Variants in CYP2J2 observed in about 807,000 individuals in gnomAD.
The protein encoded by CYP2J2 is cytochrome P450 2J2.
In CYP2J2, 41 loss-of-function variants were observed where a neutral mutation model predicts 48.8. The observed-to-expected ratio is 0.84, with a 90% CI of 0.66 to 1.09. CYP2J2 has a LOEUF of 1.09. Ranked by LOEUF, CYP2J2 falls within the 50% of genes least tolerant of loss-of-function variation. The pLI is 0.00. For missense variants in CYP2J2, 644 were observed against 617.3 expected (o/e 1.04, Z -0.46); for synonymous variants, 221 against 227.1 (o/e 0.97, Z 0.24).
intron 5 of CYP2J2, among the ~76,000 whole-genome samples, chr1:59,909,473 T>G (rs748361800): frequency 6.6e-6 from 1 of 152,168 alleles, no homozygotes; most frequent in Non-Finnish European, 1.5e-5. Flanking sequence ...GAAGAGAAGA[T>G]GCTGTGCTTC....
chr1:59,922,342 GATGAA>G (rs1644523933), intron 1 of CYP2J2, among the ~76,000 whole-genome samples: 1 of 152,194 alleles, frequency 6.6e-6, no homozygotes, highest in East Asian at 1.9e-4. Context: ...CCATCATGAA[GATGAA>G]ATGAAAACTG....
intron 1 of CYP2J2, among the ~76,000 whole-genome samples, chr1:59,917,917 T>TA (rs1439033531): frequency 6.6e-6 from 1 of 152,180 alleles, no homozygotes; most frequent in Admixed American, 6.5e-5. Flanking sequence ...ATATTCCTCT[T>TA]AGAGTCCTGT....
upstream of CYP2J2, among the ~76,000 whole-genome samples, chr1:59,928,458 A>G (rs1443360233): frequency 6.6e-6 from 1 of 152,228 alleles, no homozygotes; most frequent in Non-Finnish European, 1.5e-5. Context: ...TCCCCAGATC[A>G]ACGTGACAGA....
At chr1:59,897,996 T>C (rs1644284431) in intron 8 of CYP2J2, among the ~76,000 whole-genome samples, 1 of 152,344 alleles carries the variant, frequency 6.6e-6, no homozygotes, top group African/African-American at 2.4e-5. Context: ...TCCTGATCCA[T>C]TTAAATGGTC....
chr1:59,947,957 C>T, the CYP2J2 span, among the ~76,000 whole-genome samples: 1 of 152,248 alleles, frequency 6.6e-6, no homozygotes, highest in Admixed American at 6.5e-5. Context: ...GAGCCTGAGT[C>T]ATTTTGGGAA....
At chr1:59,909,620 A>G (rs1023591085) in intron 5 of CYP2J2, among the ~76,000 whole-genome samples, 164 bp downstream of exon 5, 11 of 152,224 alleles carry the variant, frequency 7.2e-5, no homozygotes, top group African/African-American at 2.7e-4. Flanking sequence ...TCTGTAACCC[A>G]GTGAAGCTGA....
In CYP2J2 at chr1:59,918,550, C is replaced by T. The variant is rs562121965; in HGVS notation, c.211-2450G>A. On this transcript the variant is annotated intron_variant, in intron 1 of 8. Coordinates refer to ENST00000371204, the MANE Select transcript of CYP2J2 (RefSeq NM_000775.4). ...GGATGGCGATGTCTAACAATTCTTACGTGCACCCTGTCAGTCATTTTATCC... is the reference window on the plus strand; with the variant it reads ...GGATGGCGATGTCTAACAATTCTTATGTGCACCCTGTCAGTCATTTTATCC... Among the ~76,000 whole-genome samples, 241 of 152,170 alleles carry T rather than the reference C, an allele frequency of 1.6e-3. 4 individuals carry two copies. The highest frequency in any genetic ancestry group is 0.015 in the Admixed American group (234 of 15,282).
the CYP2J2 span, among the ~76,000 whole-genome samples, chr1:59,931,938 A>G: frequency 1.3e-5 from 2 of 152,158 alleles, no homozygotes; most frequent in African/African-American, 4.8e-5. Flanking sequence ...TTCTTCCACA[A>G]CATAGATACA....
At chr1:59,952,749 A>G in the CYP2J2 span, among the ~76,000 whole-genome samples, 1 of 152,200 alleles carries the variant, frequency 6.6e-6, no homozygotes, top group African/African-American at 2.4e-5. Flanking sequence ...TGTTCATCCA[A>G]CAAATATGTG....
At chr1:59,894,263 C>A (rs1395022255) in intron 8 of CYP2J2, among the ~76,000 whole-genome samples, 1 of 152,170 alleles carries the variant, frequency 6.6e-6, no homozygotes, top group Non-Finnish European at 1.5e-5. Flanking sequence ...AATGTCAGAG[C>A]AGAGTTCCTA....
At position 59,904,879 on chromosome 1, in the gene CYP2J2, G is replaced by A; in HGVS notation, c.1183C>T (p.Leu395=). ...TVDTTLAGYH[L]PKGTMILTNL... ...AAGATCTGCTTAATTACCTTGGGCA[G>A]GTGGTACCCAGCCAAAGTGGTATCA... Residue 395 remains leucine (L), a synonymous_variant, in exon 7 of 9, where the codon CTG becomes TTG. Coordinates refer to ENST00000371204, the MANE Select transcript of CYP2J2 (RefSeq NM_000775.4). 6.2e-7 allele frequency: 1 copy of A among 1,613,454 alleles called. No homozygotes were observed. The highest frequency in any genetic ancestry group is 8.5e-7 in the Non-Finnish European group (1 of 1,179,808).
At chr1:59,959,815 G>C in the CYP2J2 span, among the ~76,000 whole-genome samples, 1 of 152,136 alleles carries the variant, frequency 6.6e-6, no homozygotes, top group African/African-American at 2.4e-5. Flanking sequence ...CAGACATTAT[G>C]TGTTCTCACT....
the CYP2J2 span, among the ~76,000 whole-genome samples, chr1:59,948,660 G>T: frequency 2.0e-5 from 3 of 152,136 alleles, no homozygotes; most frequent in Non-Finnish European, 4.4e-5. Flanking sequence ...TCATATTTTT[G>T]ATGACAGCAA....
chr1:59,893,608 C>T lies in CYP2J2; in HGVS notation c.*43G>A. On this transcript the variant is annotated 3_prime_UTR_variant, in exon 9 of 9. Coordinates refer to ENST00000371204, the MANE Select transcript of CYP2J2 (RefSeq NM_000775.4). ...GACACCAGTGGTTTCAGAACACGTG[C>T]CATGTCTTCTTACTTTCCTTGCCCC... 6.9e-7 allele frequency: 1 copy of T among 1,456,762 alleles called. No individual in the cohort carries two copies. The highest frequency in any genetic ancestry group is 9.4e-7 in the Non-Finnish European group (1 of 1,068,692). 90.2% of individuals were successfully genotyped at this position (1,456,762 alleles called of 1,614,324 possible).
chr1:59,920,342 G>C (rs1371931628), intron 1 of CYP2J2, among the ~76,000 whole-genome samples: 4 of 151,712 alleles, frequency 2.6e-5, no homozygotes, highest in Non-Finnish European at 1.5e-5. Flanking sequence ...GAAGCATAGG[G>C]TTCATTATTT....
At chr1:59,918,489 C>A (rs1267226423) in intron 1 of CYP2J2, among the ~76,000 whole-genome samples, 4 of 152,112 alleles carry the variant, frequency 2.6e-5, no homozygotes, top group African/African-American at 9.7e-5. Context: ...ATGGTATTAT[C>A]AACTGTTTAA....
the CYP2J2 span, among the ~76,000 whole-genome samples, chr1:59,963,118 T>C: frequency 6.6e-6 from 1 of 152,246 alleles, no homozygotes. Flanking sequence ...CATTGAGATA[T>C]GCAATTCACC....
At chr1:59,935,133 T>C in the CYP2J2 span, among the ~76,000 whole-genome samples, 1 of 149,642 alleles carries the variant, frequency 6.7e-6, no homozygotes, top group Admixed American at 6.7e-5. Context: ...GAGGACATTA[T>C]GCTAAATGAA....
intron 1 of CYP2J2, among the ~76,000 whole-genome samples, chr1:59,917,472 G>A (rs1160768054): frequency 2.0e-5 from 3 of 152,178 alleles, no homozygotes; most frequent in Non-Finnish European, 4.4e-5. Context: ...CACAGCAAAG[G>A]TGACAAAGCT....
Sources: gnomAD v4.1 joint callset for allele counts (sites outside exome capture counted in the v4.1 genomes callset) on GRCh38, gnomAD v4.1.1 for gene constraint, MANE v1.5 for transcripts, NCBI Gene and HGNC (gene_info 2026-07-23, HGNC 2026-07-21) for gene names.